PDE1C: variants seen among roughly 807,000 people sequenced by gnomAD.
PDE1C encodes dual specificity calcium/calmodulin-dependent 3',5'-cyclic nucleotide phosphodiesterase 1C.
PDE1C carries 62 observed loss-of-function variants against 93.1 expected under a neutral mutation model. That is an observed-to-expected ratio of 0.67 (90% confidence interval 0.54 to 0.82). The LOEUF (loss-of-function observed/expected upper bound fraction) is 0.82. Ranked by LOEUF, PDE1C falls within the 40% of genes least tolerant of loss-of-function variation. The pLI, the probability that PDE1C is intolerant of heterozygous loss-of-function variation, is 0.00. For synonymous variants in PDE1C, 325 were observed against 310.1 expected (o/e 1.05, Z -0.50); for missense variants, 742 against 884.6 (o/e 0.84, Z 2.04).
chr7:31,890,733 T>C (rs932449029), intron 2 of PDE1C, among the ~76,000 whole-genome samples: 1 of 152,186 alleles, frequency 6.6e-6, no homozygotes, highest in African/African-American at 2.4e-5. Context: ...AATTAATTCA[T>C]AGATTAAAAA....
intron 7 of PDE1C, among the ~76,000 whole-genome samples, chr7:31,858,183 T>C (rs554352990): frequency 6.6e-6 from 1 of 152,244 alleles, no homozygotes; most frequent in East Asian, 1.9e-4. Context: ...CAGAGAGTGT[T>C]TGGCTTTCTT....
At chr7:31,829,881 G>A (rs1790159787) in intron 11 of PDE1C, among the ~76,000 whole-genome samples, 1 of 151,118 alleles carries the variant, frequency 6.6e-6, no homozygotes, top group African/African-American at 2.4e-5. Flanking sequence ...TGGTTTGGTG[G>A]GATAGTTCAG....
At chr7:32,122,860 C>T (rs116029830) in intron 3 of PDE1C, among the ~76,000 whole-genome samples, 1,580 of 151,950 alleles carry the variant, frequency 0.01, 33 homozygotes, top group African/African-American at 0.036. Flanking sequence ...GAAATAACCA[C>T]GATCAGAGCA....
chr7:32,340,101 C>T (rs1783719768), intron 1 of PDE1C, among the ~76,000 whole-genome samples: 1 of 152,010 alleles, frequency 6.6e-6, no homozygotes, highest in African/African-American at 2.4e-5. Flanking sequence ...GGAGAGGCTG[C>T]ATTCAGGCTG....
chr7:31,651,945 G>A, the PDE1C span: 7 of 1,592,238 alleles, frequency 4.4e-6, no homozygotes, highest in Non-Finnish European at 6.0e-6. Flanking sequence ...GCAGGGAGGA[G>A]GCCGAGCAAC....
At chr7:31,681,412 GATGA>G in the PDE1C span, among the ~76,000 whole-genome samples, 1 of 121,104 alleles carries the variant, frequency 8.3e-6, no homozygotes, top group South Asian at 2.7e-4. Context: ...TGGATGGATG[GATGA>G]ATATGCTATT....
At chr7:32,188,544 C>T (rs1804028151) in intron 2 of PDE1C, among the ~76,000 whole-genome samples, 2 of 152,036 alleles carry the variant, frequency 1.3e-5, no homozygotes, top group Non-Finnish European at 2.9e-5. Context: ...ATTCCTATGT[C>T]ACATATTTTT....
At chr7:31,902,893 T>G (rs965336628) in intron 2 of PDE1C, among the ~76,000 whole-genome samples, 6 of 151,728 alleles carry the variant, frequency 4.0e-5, no homozygotes, top group Admixed American at 2.0e-4. Flanking sequence ...AGTTACCTGA[T>G]AGAGTCTACA....
At chr7:32,365,436 C>T (rs1392183675) in intron 1 of PDE1C, among the ~76,000 whole-genome samples, 1 of 152,158 alleles carries the variant, frequency 6.6e-6, no homozygotes, top group Non-Finnish European at 1.5e-5. Flanking sequence ...CAGCCAAGTA[C>T]TGTGAGACCA....
chr7:31,661,112 AC>A, the PDE1C span, among the ~76,000 whole-genome samples: 4 of 6,244 alleles, frequency 6.4e-4, no homozygotes, highest in African/African-American at 2.7e-3. Flanking sequence ...ATTCAGTACC[AC>A]AGAGAGGTAT....
At chr7:31,796,645 G>A (rs1015402192) in intron 16 of PDE1C, among the ~76,000 whole-genome samples, 1 of 151,592 alleles carries the variant, frequency 6.6e-6, no homozygotes, top group Non-Finnish European at 1.5e-5. Context: ...AGCAAAAAAG[G>A]AACAAGGTGC....
chr7:32,069,603 C>G (rs1389050163), intron 1 of PDE1C, among the ~76,000 whole-genome samples: 1 of 152,100 alleles, frequency 6.6e-6, no homozygotes, highest in Non-Finnish European at 1.5e-5. Context: ...CACCTCTCCT[C>G]AGTACCCAAA....
intron 1 of PDE1C, among the ~76,000 whole-genome samples, chr7:32,291,961 T>C (rs1464809262): frequency 6.6e-6 from 1 of 152,230 alleles, no homozygotes; most frequent in Non-Finnish European, 1.5e-5. Context: ...AGTATGTGTT[T>C]TCTAATAGTC....
chr7:31,825,912 A>C lies in PDE1C; in HGVS notation c.1286-925T>G, dbSNP rs1319522885. ...CTGACTTTGAGGTACAGGGGGGCAC[A>C]TCTAGATGGGAGAGGGCAAACAGAG... On this transcript the variant is annotated intron_variant, in intron 12 of 17. Transcript: ENST00000396191. Among the ~76,000 whole-genome samples the C allele has an allele frequency of 2.0e-5, 3 of 152,114 alleles. No homozygotes were observed. The East Asian group carries it at 5.8e-4, about 29-fold the overall frequency.
intron 3 of PDE1C, among the ~76,000 whole-genome samples, chr7:32,096,201 T>C (rs1326275631): frequency 1.3e-5 from 2 of 152,142 alleles, no homozygotes; most frequent in Non-Finnish European, 2.9e-5. Flanking sequence ...CTTGAAGCAT[T>C]GATGTGCTCC....
At chr7:32,187,163 TTTC>T (rs1393683708) in intron 2 of PDE1C, among the ~76,000 whole-genome samples, 3 of 152,078 alleles carry the variant, frequency 2.0e-5, no homozygotes, top group African/African-American at 7.2e-5. Context: ...TCTCTCTCTC[TTTC>T]TTTTATTTTC....
intron 1 of PDE1C, among the ~76,000 whole-genome samples, chr7:32,376,923 A>T (rs2128089189): frequency 6.6e-6 from 1 of 152,164 alleles, no homozygotes; most frequent in African/African-American, 2.4e-5. Flanking sequence ...TCCTGACCTC[A>T]TCATCCGCCA....
intron 1 of PDE1C, among the ~76,000 whole-genome samples, chr7:32,393,048 CA>C (rs35905868): frequency 2.7e-3 from 130 of 48,490 alleles, no homozygotes; most frequent in African/African-American, 8.3e-3. Context: ...GACTCTGTCT[CA>C]AAAAAAAAAA....
At chr7:31,800,937 G>A (rs1785934103) in intron 16 of PDE1C, among the ~76,000 whole-genome samples, 2 of 151,064 alleles carry the variant, frequency 1.3e-5, no homozygotes, top group Admixed American at 1.3e-4. Flanking sequence ...AAATTAGAAA[G>A]TATTTTGAGC....
Sources: gnomAD v4.1 joint callset for allele counts (sites outside exome capture counted in the v4.1 genomes callset) on GRCh38, gnomAD v4.1.1 for gene constraint, MANE v1.5 for transcripts, NCBI Gene and HGNC (gene_info 2026-07-23, HGNC 2026-07-21) for gene names.